Variants in DOCK8 observed in about 807,000 individuals in gnomAD.
DOCK8 encodes dedicator of cytokinesis protein 8.
Under a neutral mutation model 245.6 loss-of-function variants are expected in DOCK8, and 141 were observed. The observed-to-expected ratio is 0.57, with a 90% confidence interval of 0.50 to 0.66. The LOEUF (loss-of-function observed/expected upper bound fraction) is 0.66. Ranked by LOEUF, DOCK8 falls within the 30% of genes least tolerant of loss-of-function variation. DOCK8 has a pLI of 0.00. For synonymous variants in DOCK8, 1,168 were observed against 970.2 expected (o/e 1.20, Z -3.79); for missense variants, 2,965 against 2,603.4 (o/e 1.14, Z -3.02).
In DOCK8 at chr9:400,481, T is replaced by A. The variant is rs1293217558; in HGVS notation, c.3234+1222T>A. ...TTCACCATCACCACCACCCACCTCC[T>A]TCACCATCACCACCACCTCCACCAT... On this transcript the variant is annotated intron_variant, in intron 26 of 47. Coordinates refer to ENST00000432829, the MANE Select transcript of DOCK8 (RefSeq NM_203447.4). Among the ~76,000 whole-genome samples, 3 of 1,560 alleles carry A rather than the reference T, an allele frequency of 1.9e-3. 1 individual carries two copies. The highest frequency in any genetic ancestry group is 0.02 in the African/African-American group (2 of 102). 1.0% of individuals were successfully genotyped at this position (1,560 alleles called of 152,430 possible). A position where few individuals can be genotyped will look rare whatever the true frequency, so the allele number is the denominator to read the frequency against.
chr9:221,076 T>G (rs764957593), intron 1 of DOCK8, among the ~76,000 whole-genome samples: 8 of 152,020 alleles, frequency 5.3e-5, no homozygotes, highest in Non-Finnish European at 1.2e-4. Context: ...TCGACAACAG[T>G]GGGGGTATAG....
chr9:318,596 G>A (rs146076114), intron 7 of DOCK8, among the ~76,000 whole-genome samples: 15 of 152,346 alleles, frequency 9.8e-5, no homozygotes, highest in Admixed American at 6.5e-4. Flanking sequence ...CCGCTGGCCA[G>A]TTCTACCAGA....
chr9:237,165 G>C (rs934371742), intron 1 of DOCK8, among the ~76,000 whole-genome samples: 1 of 152,236 alleles, frequency 6.6e-6, no homozygotes, highest in East Asian at 1.9e-4. Context: ...ACTGTGGTTT[G>C]CTGTTGTCTG....
chr9:214,699 C>T (rs1385417208), upstream of DOCK8: 1 of 1,564,390 alleles, frequency 6.4e-7, no homozygotes, highest in Admixed American at 1.9e-5. Flanking sequence ...CCGTCTGCCC[C>T]AGTATCGGGA....
chr9:247,468 A>G (rs1246999127), intron 1 of DOCK8, among the ~76,000 whole-genome samples: 2 of 152,120 alleles, frequency 1.3e-5, no homozygotes, highest in Admixed American at 6.5e-5. Flanking sequence ...GTTTTTTTTA[A>G]AATAATGCCA....
At chr9:391,294 A>G (rs561420244) in intron 24 of DOCK8, among the ~76,000 whole-genome samples, 2 of 152,082 alleles carry the variant, frequency 1.3e-5, no homozygotes, top group East Asian at 3.9e-4. Context: ...TGAGCACCCT[A>G]TTTATTTCTT....
chr9:214,536 C>A, upstream of DOCK8: 1 of 1,613,660 alleles, frequency 6.2e-7, no homozygotes, highest in African/African-American at 1.3e-5. Flanking sequence ...GATTCCCGAC[C>A]TCGCCAGCTT....
chr9:325,723 A>T lies in DOCK8; in HGVS notation c.880A>T (p.Lys294Ter), dbSNP rs1250843455. 6.2e-7 allele frequency: 1 copy of T among 1,613,970 alleles called. No homozygotes were observed. The highest frequency in any genetic ancestry group is 1.7e-5 in the Admixed American group (1 of 60,018). The change falls in exon 8 of 48, where the codon AAA (lysine) becomes TAA (stop). Residue 294 changes from lysine to a stop codon, truncating the protein, a stop_gained. Coordinates refer to ENST00000432829, the MANE Select transcript of DOCK8 (RefSeq NM_203447.4). LOFTEE classifies it high-confidence loss of function. Reference sequence around the variant, plus strand: ...TGCCAGCATTGCCCTCTACGATGTTAAAGAAAGGAAAAAGGTAAGAAAGCA... The same window carrying T: ...TGCCAGCATTGCCCTCTACGATGTTTAAGAAAGGAAAAAGGTAAGAAAGCA... ...LFASIALYDVKERKKISENFH... is the reference protein window; with the variant it reads ...LFASIALYDV
intron 26 of DOCK8, among the ~76,000 whole-genome samples, chr9:403,423 C>A (rs146842090): frequency 6.0e-4 from 92 of 152,236 alleles, no homozygotes; most frequent in African/African-American, 2.0e-3. Context: ...GTTATGGGAT[C>A]TGGTAACTGT....
chr9:215,108 C>G (rs756122514), intron 1 of DOCK8, 79 bp downstream of exon 1: 30 of 1,502,704 alleles, frequency 2.0e-5, no homozygotes, highest in African/African-American at 1.2e-4. Context: ...CTGCAGGGGC[C>G]GAGGCCGGAC....
intron 1 of DOCK8, among the ~76,000 whole-genome samples, chr9:228,483 T>G (rs962217598): frequency 7.9e-5 from 12 of 152,174 alleles, no homozygotes; most frequent in Non-Finnish European, 1.5e-5. Flanking sequence ...CTTCATATGT[T>G]TAAATTTGAA....
chr9:405,408 C>G (rs2055366918), intron 27 of DOCK8, among the ~76,000 whole-genome samples: 1 of 152,106 alleles, frequency 6.6e-6, no homozygotes, highest in South Asian at 2.1e-4. Flanking sequence ...ATAGAGGATT[C>G]CAAAGTAAAT....
chr9:424,483 C>A (rs1202027860), intron 33 of DOCK8, among the ~76,000 whole-genome samples: 1 of 151,996 alleles, frequency 6.6e-6, no homozygotes, highest in Non-Finnish European at 1.5e-5. Flanking sequence ...AATCACAGCT[C>A]ACTGCAGCCT....
At chr9:403,260 G>A (rs757986726) in intron 26 of DOCK8, among the ~76,000 whole-genome samples, 14 of 152,174 alleles carry the variant, frequency 9.2e-5, no homozygotes, top group Non-Finnish European at 1.5e-4. Flanking sequence ...TCTTTTAAGT[G>A]CCAATGTGTT....
intron 1 of DOCK8, among the ~76,000 whole-genome samples, chr9:235,743 C>A (rs2047229065): frequency 6.6e-6 from 1 of 152,146 alleles, no homozygotes; most frequent in Non-Finnish European, 1.5e-5. Context: ...GTTTTTTAAG[C>A]CCGTTGGAAA....
chr9:379,872 C>T lies in DOCK8; in HGVS notation c.2542C>T (p.Leu848=), dbSNP rs547760638. ...GGACCAGCATGGGAGGAACTGCCTG[C>T]TGGCTTCCTACGTGCACTACGTCTT... ...SKDQHGRNCL[L]ASYVHYVFRL... is the part of the protein sequence containing the mutation. The change falls in exon 21 of 48, where the codon CTG becomes TTG. Residue 848 remains leucine (L), a synonymous_variant. Transcript: ENST00000432829. 3 of 1,614,258 alleles carry T rather than the reference C, an allele frequency of 1.9e-6. No individual in the cohort carries two copies. The highest frequency in any genetic ancestry group is 2.2e-5 in the South Asian group (2 of 91,090).
chr9:371,655 T>G, intron 17 of DOCK8, 89 bp downstream of exon 17: 1 of 1,563,934 alleles, frequency 6.4e-7, no homozygotes, highest in Non-Finnish European at 8.7e-7. Flanking sequence ...TCTATTCACT[T>G]GATTTTTTCC....
chr9:394,127 C>G (rs2054330292), intron 24 of DOCK8, among the ~76,000 whole-genome samples: 1 of 152,174 alleles, frequency 6.6e-6, no homozygotes, highest in African/African-American at 2.4e-5. Context: ...CCTCTCTGTT[C>G]TCCCACGTAA....
intron 4 of DOCK8, among the ~76,000 whole-genome samples, chr9:298,795 C>A (rs190159624): frequency 6.6e-6 from 1 of 151,898 alleles, no homozygotes; most frequent in African/African-American, 2.4e-5. Flanking sequence ...TAGGTAGCTG[C>A]TTCCTAATTT....
Sources: gnomAD v4.1 joint callset for allele counts (sites outside exome capture counted in the v4.1 genomes callset) on GRCh38, gnomAD v4.1.1 for gene constraint, MANE v1.5 for transcripts, NCBI Gene and HGNC (gene_info 2026-07-23, HGNC 2026-07-21) for gene names.